Variants in RGS17 observed in about 807,000 individuals in gnomAD.
RGS17 encodes regulator of G protein signaling 17, also known as regulator of G-protein signaling 17.
RGS17 carries 12 observed loss-of-function variants against 25.5 expected under a neutral mutation model. That is an observed-to-expected ratio of 0.47 (90% CI 0.30 to 0.76). The LOEUF is 0.76. Among genes scored for constraint, RGS17 ranks in the 30% least tolerant of loss-of-function variants. The pLI is 0.07. For synonymous variants in RGS17, 71 were observed against 76.9 expected, an observed-to-expected ratio of 0.92 and a Z score of 0.40; for missense variants, 196 against 242.2, an observed-to-expected ratio of 0.81 and a Z score of 1.27.
intron 1 of RGS17, among the ~76,000 whole-genome samples, chr6:153,049,177 A>G (rs1385160463): frequency 6.6e-6 from 1 of 152,186 alleles, no homozygotes; most frequent in Non-Finnish European, 1.5e-5. Flanking sequence ...TTCGGCAGAT[A>G]AGTTATTAGA....
intron 2 of RGS17, among the ~76,000 whole-genome samples, chr6:153,040,182 G>C (rs763534602): frequency 1.3e-5 from 2 of 152,094 alleles, no homozygotes; most frequent in Non-Finnish European, 1.5e-5. Flanking sequence ...AGAGACTGAC[G>C]TGGGGGGAGA....
intron 1 of RGS17, among the ~76,000 whole-genome samples, chr6:153,053,065 T>C (rs1215605784): frequency 2.0e-5 from 3 of 152,210 alleles, no homozygotes; most frequent in Non-Finnish European, 4.4e-5. Context: ...AGAAATAAAT[T>C]TCTGTTGTTA....
At chr6:153,023,049 T>C (rs1779261973) in intron 4 of RGS17, among the ~76,000 whole-genome samples, 1 of 152,192 alleles carries the variant, frequency 6.6e-6, no homozygotes, top group South Asian at 2.1e-4. Flanking sequence ...CCTGGAGCAC[T>C]CTGGAATACC....
At chr6:153,050,120 T>C (rs1474146510) in intron 1 of RGS17, among the ~76,000 whole-genome samples, 1 of 152,170 alleles carries the variant, frequency 6.6e-6, no homozygotes, top group Non-Finnish European at 1.5e-5. Flanking sequence ...CTCCAAGTGA[T>C]AATACATGCA....
intron 3 of RGS17, 131 bp from the exon 4 acceptor site, chr6:153,024,627 G>C: frequency 1.5e-6 from 1 of 676,004 alleles, no homozygotes; most frequent in Non-Finnish European, 2.5e-6. Context: ...TTGCCACTCA[G>C]TCCAGCCTGA....
At chr6:153,065,157 A>G (rs192036042) in intron 1 of RGS17, among the ~76,000 whole-genome samples, 1 of 152,196 alleles carries the variant, frequency 6.6e-6, no homozygotes, top group Admixed American at 6.5e-5. Context: ...AGCTACACTT[A>G]TATCAGTCAA....
At chr6:153,115,973 G>C (rs1468382586) in intron 1 of RGS17, among the ~76,000 whole-genome samples, 1 of 152,144 alleles carries the variant, frequency 6.6e-6, no homozygotes, top group Non-Finnish European at 1.5e-5. Context: ...AGAAACCTTA[G>C]AAGAAAACCT....
chr6:153,114,464 A>C (rs1350970298), intron 1 of RGS17, among the ~76,000 whole-genome samples: 1 of 152,224 alleles, frequency 6.6e-6, no homozygotes, highest in African/African-American at 2.4e-5. Context: ...AAAAAAGCCC[A>C]GGACCAGATG....
At chr6:153,061,239 G>C (rs140511297) in intron 1 of RGS17, among the ~76,000 whole-genome samples, 23 of 152,316 alleles carry the variant, frequency 1.5e-4, no homozygotes, top group African/African-American at 5.5e-4. Context: ...ATTACAGTTA[G>C]AGCAGCTTTT....
At chr6:153,058,414 A>G (rs534503166) in intron 1 of RGS17, among the ~76,000 whole-genome samples, 3 of 152,198 alleles carry the variant, frequency 2.0e-5, no homozygotes, top group Non-Finnish European at 4.4e-5. Flanking sequence ...GGTTTGGTTT[A>G]TTATTTCACC....
At chr6:153,066,741 A>T (rs77615427) in intron 1 of RGS17, among the ~76,000 whole-genome samples, 27,518 of 152,172 alleles carry the variant, frequency 0.18, 2,930 homozygotes, top group South Asian at 0.24. Context: ...ATGAAGGACA[A>T]AAAACATATG....
chr6:153,066,608 C>T (rs988204990), intron 1 of RGS17, among the ~76,000 whole-genome samples: 9 of 152,084 alleles, frequency 5.9e-5, no homozygotes, highest in African/African-American at 2.2e-4. Flanking sequence ...AAAATACTAG[C>T]AAACCAAATT....
intron 1 of RGS17, among the ~76,000 whole-genome samples, chr6:153,109,791 T>C (rs954310318): frequency 6.6e-6 from 1 of 152,242 alleles, no homozygotes; most frequent in Non-Finnish European, 1.5e-5. Context: ...TATCATGCTA[T>C]ATGAGTCTAA....
chr6:153,032,510 T>C (rs1006432525), intron 2 of RGS17, among the ~76,000 whole-genome samples: 10 of 151,694 alleles, frequency 6.6e-5, no homozygotes, highest in Non-Finnish European at 1.3e-4. Flanking sequence ...AAATACAATA[T>C]TTTAACCAAG....
chr6:153,122,955 T>C (rs570959213), intron 1 of RGS17, among the ~76,000 whole-genome samples: 1 of 150,432 alleles, frequency 6.6e-6, no homozygotes, highest in East Asian at 2.0e-4. Context: ...TTGGAGTAAA[T>C]TGGAGTATTT....
intron 1 of RGS17, among the ~76,000 whole-genome samples, chr6:153,078,013 C>T (rs1380895967): frequency 1.3e-5 from 2 of 151,794 alleles, no homozygotes; most frequent in African/African-American, 4.8e-5. Flanking sequence ...AGTTGGGATT[C>T]CAGGCGCCCA....
chr6:153,029,073 T>C (rs1431234658), intron 2 of RGS17, among the ~76,000 whole-genome samples: 2 of 152,168 alleles, frequency 1.3e-5, no homozygotes, highest in Non-Finnish European at 2.9e-5. Flanking sequence ...TTACGAAATA[T>C]TAGGTTGAGT....
intron 1 of RGS17, among the ~76,000 whole-genome samples, chr6:153,119,888 A>G (rs1777601336): frequency 6.6e-6 from 1 of 152,180 alleles, no homozygotes; most frequent in East Asian, 1.9e-4. Flanking sequence ...TATCATTGGG[A>G]CAATTTAGAA....
chr6:153,071,961 A>G lies in RGS17; in HGVS notation c.-25-27918T>C, dbSNP rs368119212. Among the ~76,000 whole-genome samples, 22 of 152,288 alleles carry G rather than the reference A, an allele frequency of 1.4e-4. No homozygotes were observed. The East Asian group carries it at 4.2e-3, about 29-fold the overall frequency. On this transcript the variant is annotated intron_variant, in intron 1 of 4. Transcript: ENST00000206262. ...GTTGTTTGGATTGTGAGTATTAAAT[A>G]ATAAGATCTTTGTAGTTAGCACAGC...
Sources: gnomAD v4.1 joint callset for allele counts (sites outside exome capture counted in the v4.1 genomes callset) on GRCh38, gnomAD v4.1.1 for gene constraint, MANE v1.5 for transcripts, NCBI Gene and HGNC (gene_info 2026-07-23, HGNC 2026-07-21) for gene names.